FAM110B: variants seen among roughly 807,000 people sequenced by gnomAD.
The protein encoded by FAM110B is protein FAM110B.
Under a neutral mutation model 20.4 loss-of-function variants are expected in FAM110B, and 6 were observed. The ratio of observed to expected loss-of-function variants is 0.29; its 90% CI spans 0.16 to 0.58. FAM110B has a LOEUF of 0.58. Among genes scored for constraint, FAM110B ranks in the 20% least tolerant of loss-of-function variants. The pLI is 0.90. For synonymous variants in FAM110B, 226 were observed against 214.1 expected, an observed-to-expected ratio of 1.06 and a Z score of -0.49; for missense variants, 434 against 498.2, an observed-to-expected ratio of 0.87 and a Z score of 1.23.
In FAM110B at chr8:58,146,619, G is replaced by A; in HGVS notation, c.389G>A (p.Gly130Asp). Residue 130 changes from glycine to aspartate, a missense_variant, in exon 4 of 4, where the codon GGC (glycine) becomes GAC (aspartate). Coordinates refer to ENST00000519262, the MANE Select transcript of FAM110B (RefSeq NM_001377989.1). ...ILKNIINSSE[G>D]SSSGSGHKHS... Reference sequence around the variant, plus strand: ...AAGAACATCATCAATAGCTCCGAGGGCTCTAGCTCGGGCTCGGGGCACAAG... The same window carrying A: ...AAGAACATCATCAATAGCTCCGAGGACTCTAGCTCGGGCTCGGGGCACAAG... 6 of 1,613,928 alleles carry A rather than the reference G, an allele frequency of 3.7e-6. No homozygotes were observed. The highest frequency in any genetic ancestry group is 5.1e-6 in the Non-Finnish European group (6 of 1,179,924).
intron 2 of FAM110B, among the ~76,000 whole-genome samples, chr8:58,047,591 C>CCTCTCTCTGTCTCTCTCTCTCTCT (rs1805351864): frequency 1.3e-5 from 1 of 74,646 alleles, no homozygotes; most frequent in Non-Finnish European, 3.0e-5. Flanking sequence ...CTTCCTTTTT[C>CCTCTCTCTGTCTCTCTCTCTCTCT]CTCTCTCTCT....
chr8:58,109,641 TGAA>T (rs1439717267), intron 3 of FAM110B, among the ~76,000 whole-genome samples: 5 of 152,144 alleles, frequency 3.3e-5, no homozygotes, highest in Non-Finnish European at 7.4e-5. Context: ...CTGACACAAC[TGAA>T]GAAGGACAGA....
chr8:58,011,758 C>G (rs1189132281), intron 1 of FAM110B, among the ~76,000 whole-genome samples: 1 of 152,216 alleles, frequency 6.6e-6, no homozygotes, highest in Non-Finnish European at 1.5e-5. Context: ...CCATCCTGGT[C>G]TTTTGGATGA....
chr8:58,020,431 T>C (rs1280602181), intron 1 of FAM110B, among the ~76,000 whole-genome samples: 1 of 152,234 alleles, frequency 6.6e-6, no homozygotes, highest in Non-Finnish European at 1.5e-5. Flanking sequence ...TTGTTTCATT[T>C]CTCAAGAGTG....
chr8:58,102,429 T>G (rs915854791), intron 3 of FAM110B, among the ~76,000 whole-genome samples: 1 of 152,248 alleles, frequency 6.6e-6, no homozygotes, highest in Non-Finnish European at 1.5e-5. Context: ...ATGAAATTAC[T>G]CCTTATGTCC....
chr8:58,013,902 C>A (rs935592126), intron 1 of FAM110B, among the ~76,000 whole-genome samples: 5 of 152,150 alleles, frequency 3.3e-5, no homozygotes, highest in Admixed American at 6.5e-5. Flanking sequence ...ACGCAGAGTA[C>A]AGAAGGAGTA....
intron 1 of FAM110B, among the ~76,000 whole-genome samples, chr8:58,008,228 G>T (rs1254287797): frequency 1.3e-5 from 2 of 151,316 alleles, no homozygotes; most frequent in Non-Finnish European, 2.9e-5. Flanking sequence ...CACCTTCCGG[G>T]TTCAAGCGAT....
intron 3 of FAM110B, among the ~76,000 whole-genome samples, chr8:58,128,625 A>T (rs1478466122): frequency 6.6e-6 from 1 of 152,212 alleles, no homozygotes; most frequent in African/African-American, 2.4e-5. Flanking sequence ...CATCTGTCAG[A>T]GAAGGATGGC....
At chr8:58,029,538 AT>A (rs142791553) in intron 1 of FAM110B, among the ~76,000 whole-genome samples, 1,837 of 150,344 alleles carry the variant, frequency 0.012, 21 homozygotes, top group Admixed American at 0.025. Flanking sequence ...ATTAGAAATG[AT>A]TTTTTTTTTG....
intron 1 of FAM110B, among the ~76,000 whole-genome samples, chr8:58,014,615 G>T (rs928895253): frequency 1.3e-5 from 2 of 152,182 alleles, no homozygotes; most frequent in African/African-American, 2.4e-5. Context: ...CCTTCTCATT[G>T]AGAATCTTCA....
intron 3 of FAM110B, among the ~76,000 whole-genome samples, chr8:58,137,612 C>A (rs950136138): frequency 1.3e-5 from 2 of 152,042 alleles, no homozygotes; most frequent in African/African-American, 4.8e-5. Context: ...GAGCTCCTGA[C>A]CAAGCACTTT....
intron 1 of FAM110B, among the ~76,000 whole-genome samples, chr8:57,996,860 G>A (rs970113541): frequency 7.2e-5 from 11 of 152,128 alleles, no homozygotes; most frequent in African/African-American, 1.4e-4. Flanking sequence ...TCTTTTTCAT[G>A]CTTTAAAATA....
intron 1 of FAM110B, among the ~76,000 whole-genome samples, chr8:58,028,620 A>G (rs1240686869): frequency 6.6e-6 from 1 of 152,112 alleles, no homozygotes; most frequent in African/African-American, 2.4e-5. Context: ...CTTAGTCTTA[A>G]TATCAATAGT....
In FAM110B at chr8:58,145,644, A is replaced by T. The variant is rs890202888; in HGVS notation, c.-324-263A>T. On this transcript the variant is annotated intron_variant, in intron 3 of 3. Transcript: ENST00000519262. ...CAGAAGGCGGATCTCACCAATCCGGAGGCAGCTGGAAGAGTTCGCGCGTGG... is the reference window on the plus strand; with the variant it reads ...CAGAAGGCGGATCTCACCAATCCGGTGGCAGCTGGAAGAGTTCGCGCGTGG... Among the ~76,000 whole-genome samples, 6 of 152,244 alleles carry T rather than the reference A, an allele frequency of 3.9e-5. No individual in the cohort carries two copies. The East Asian group carries it at 1.2e-3, about 29-fold the overall frequency.
chr8:58,073,596 G>A (rs1805957881), intron 2 of FAM110B, among the ~76,000 whole-genome samples: 1 of 152,164 alleles, frequency 6.6e-6, no homozygotes, highest in Non-Finnish European at 1.5e-5. Flanking sequence ...GGGAATTGAA[G>A]TTTTCTTTAA....
At chr8:58,003,106 A>T (rs1327244729) in intron 1 of FAM110B, among the ~76,000 whole-genome samples, 1 of 152,220 alleles carries the variant, frequency 6.6e-6, no homozygotes, top group Non-Finnish European at 1.5e-5. Context: ...TTGTCCTTTC[A>T]ACAGTGTTTA....
intron 3 of FAM110B, among the ~76,000 whole-genome samples, chr8:58,088,806 C>T (rs1014649074): frequency 2.6e-5 from 4 of 152,168 alleles, no homozygotes; most frequent in African/African-American, 9.6e-5. Flanking sequence ...TTAATACTAG[C>T]TTTTTGATCA....
chr8:58,140,859 T>A (rs1047797625), intron 3 of FAM110B, among the ~76,000 whole-genome samples: 6 of 152,234 alleles, frequency 3.9e-5, no homozygotes, highest in African/African-American at 1.2e-4. Flanking sequence ...TTTGCCACAG[T>A]CCTGCCAAAT....
At chr8:58,000,610 A>G (rs1453645071) in intron 1 of FAM110B, among the ~76,000 whole-genome samples, 1 of 152,190 alleles carries the variant, frequency 6.6e-6, no homozygotes, top group Admixed American at 6.5e-5. Flanking sequence ...ATTTAGTCAC[A>G]CACGTGCCCA....
Sources: gnomAD v4.1 joint callset for allele counts (sites outside exome capture counted in the v4.1 genomes callset) on GRCh38, gnomAD v4.1.1 for gene constraint, MANE v1.5 for transcripts, NCBI Gene and HGNC (gene_info 2026-07-23, HGNC 2026-07-21) for gene names.